The following XIAP variants were observed in gnomAD, a reference collection of about 807,000 sequenced individuals.
The protein encoded by XIAP is X-linked inhibitor of apoptosis, also known as E3 ubiquitin-protein ligase XIAP.
In XIAP, 3 loss-of-function variants were observed where a neutral mutation model predicts 33.1. The observed-to-expected ratio is 0.09, with a 90% CI of 0.04 to 0.23. XIAP has a LOEUF of 0.23. Among genes scored for constraint, XIAP ranks in the 10% least tolerant of loss-of-function variants. The pLI, the probability that XIAP is intolerant of heterozygous loss-of-function variation, is 1.00. For synonymous variants in XIAP, 98 were observed against 121.3 expected, an observed-to-expected ratio of 0.81 and a Z score of 1.26; for missense variants, 264 against 363.0, an observed-to-expected ratio of 0.73 and a Z score of 2.22.
chrX:123,911,715 C>A lies in XIAP; in HGVS notation c.*4534C>A, dbSNP rs1473149814. The A allele has an allele frequency of 1.5e-5, 5 of 326,376 alleles. No individual in the cohort carries two copies. Among genetic ancestry groups the A allele is most frequent in the Non-Finnish European group, 2.9e-5 (5 of 169,518 alleles). The allele number at this position is 326,376 out of a possible 1,213,427, so 26.9% of individuals were successfully genotyped here. On this transcript the variant is annotated 3_prime_UTR_variant, in exon 7 of 7. Transcript: ENST00000371199. Reference sequence around the variant, plus strand: ...TCAAACCCTTAAAAATATTTAAATTCTTAAAAAATTGAAAAGATTATTCTT... The same window carrying A: ...TCAAACCCTTAAAAATATTTAAATTATTAAAAAATTGAAAAGATTATTCTT...
At chrX:123,881,063 C>T (rs2053299827) in intron 1 of XIAP, among the ~76,000 whole-genome samples, 1 of 111,010 alleles carries the variant, frequency 9.0e-6, no homozygotes, top group Non-Finnish European at 1.9e-5. Flanking sequence ...TTCCCAACTA[C>T]TGTTACCCTT....
chrX:123,882,127 T>G (rs1272431413), intron 1 of XIAP, among the ~76,000 whole-genome samples: 1 of 112,021 alleles, frequency 8.9e-6, no homozygotes, highest in Non-Finnish European at 1.9e-5. Flanking sequence ...GTGTTTTGAA[T>G]TATACTGAGC....
At chrX:123,890,627 G>A (rs1455991236) in intron 3 of XIAP, among the ~76,000 whole-genome samples, 4 of 87,382 alleles carry the variant, frequency 4.6e-5, no homozygotes, top group Admixed American at 1.3e-4. Context: ...GCGACAGAGT[G>A]AGACACTGTC....
At chrX:123,877,355 C>T (rs920031790) in intron 1 of XIAP, among the ~76,000 whole-genome samples, 2 of 111,899 alleles carry the variant, frequency 1.8e-5, no homozygotes, top group Non-Finnish European at 1.9e-5. Context: ...GCATGAGCCA[C>T]CACGCCCGGC....
At chrX:123,904,887 T>G (rs184465321) in intron 6 of XIAP, among the ~76,000 whole-genome samples, 135 of 111,720 alleles carry the variant, frequency 1.2e-3, no homozygotes, top group African/African-American at 4.2e-3. Context: ...CGCCTCAGCC[T>G]CCCAAAGTGC....
At chrX:123,859,965 C>G (rs1343362655), upstream of XIAP, 4 of 285,950 alleles carry the variant, frequency 1.4e-5, no homozygotes, top group Non-Finnish European at 2.7e-5. Context: ...AGGAGGCTGA[C>G]CTCCCGGCCG....
chrX:123,862,541 A>G (rs2053090228), intron 1 of XIAP, among the ~76,000 whole-genome samples: 1 of 109,338 alleles, frequency 9.1e-6, no homozygotes, highest in Non-Finnish European at 1.9e-5. Flanking sequence ...CTGGCTAATT[A>G]GGTCCCTTTT....
intron 1 of XIAP, 65 bp from the exon 2 acceptor site, chrX:123,885,566 T>C: frequency 1.0e-6 from 1 of 953,506 alleles, no homozygotes; most frequent in Non-Finnish European, 1.5e-6. Flanking sequence ...TGTTAGCTCC[T>C]ATAACAAAAG....
At chrX:123,891,459 G>A (rs2053407343) in intron 4 of XIAP, 143 bp downstream of exon 4, 6 of 301,976 alleles carry the variant, frequency 2.0e-5, no homozygotes, top group Middle Eastern at 2.0e-3. Context: ...ATCAATATAT[G>A]TGTACATTAC....
chrX:123,876,312 A>G (rs1356661735), intron 1 of XIAP, among the ~76,000 whole-genome samples: 2 of 111,122 alleles, frequency 1.8e-5, no homozygotes, highest in South Asian at 3.8e-4. Flanking sequence ...TAGTGACAGG[A>G]CACTGCCCTG....
chrX:123,896,198 C>G (rs1157594018), intron 5 of XIAP, among the ~76,000 whole-genome samples: 1 of 110,930 alleles, frequency 9.0e-6, no homozygotes, highest in Non-Finnish European at 1.9e-5. Flanking sequence ...TTCCGGGTAG[C>G]TGGGACTACG....
intron 6 of XIAP, among the ~76,000 whole-genome samples, chrX:123,901,254 G>A (rs2053512021): frequency 8.9e-6 from 1 of 111,901 alleles, no homozygotes; most frequent in African/African-American, 3.2e-5. Context: ...GCATGGTGGT[G>A]TGTGCCTGTA....
At position 123,911,653 on chromosome X, in the gene XIAP, G is replaced by A. The variant is rs1414280008; in HGVS notation, c.*4472G>A. The A allele has an allele frequency of 3.1e-6, 1 of 325,620 alleles. No homozygotes were observed. Among genetic ancestry groups the A allele is most frequent in the African/African-American group, 2.7e-5 (1 of 37,490 alleles). 26.8% of individuals were successfully genotyped at this position (325,620 alleles called of 1,213,427 possible). On this transcript the variant is annotated 3_prime_UTR_variant, in exon 7 of 7. Transcript: ENST00000371199. ...TGATTGTGCCACTGTACTCCAGTCT[G>A]GGTGACAGAGTGAGACCCCATCTCT...
rs897936264 is a variant in XIAP, at chrX:123,913,184, A to G, written c.*6003A>G. The G allele has an allele frequency of 3.1e-6, 1 of 326,783 alleles. No individual in the cohort carries two copies. Among genetic ancestry groups the G allele is most frequent in the African/African-American group, 2.7e-5 (1 of 37,460 alleles). The allele number at this position is 326,783 out of a possible 1,213,427, so 26.9% of individuals were successfully genotyped here. A position where few individuals can be genotyped will look rare whatever the true frequency, so the allele number is the denominator to read the frequency against. ...GGACAATTGTATCTTCAAAGTAGAC[A>G]AATGGCGCCGGGCACGGTGGCTCAC... On this transcript the variant is annotated 3_prime_UTR_variant, in exon 7 of 7. Transcript: ENST00000371199.
At position 123,912,127 on chromosome X, in the gene XIAP, G is replaced by C. The variant is rs1458235122; in HGVS notation, c.*4946G>C. ...ATGACACTTTATAACTAATATAATA[G>C]GACAATCATCAATGCATATATAGCC... On this transcript the variant is annotated 3_prime_UTR_variant, in exon 7 of 7. Coordinates refer to ENST00000371199, the MANE Select transcript of XIAP (RefSeq NM_001167.4). 6.2e-6 allele frequency: 2 copies of C among 321,608 alleles called. No homozygotes were observed. Among genetic ancestry groups the C allele is most frequent in the Non-Finnish European group, 1.2e-5 (2 of 168,186 alleles). The allele number at this position is 321,608 out of a possible 1,213,427, so 26.5% of individuals were successfully genotyped here. A position where few individuals can be genotyped will look rare whatever the true frequency, so the allele number is the denominator to read the frequency against.
Position 123,913,315 on chromosome X carries a change from A to G in XIAP, c.*6134A>G, listed in dbSNP as rs771119064. The G allele has an allele frequency of 9.1e-6, 3 of 328,505 alleles. No homozygotes were observed. The highest frequency in any genetic ancestry group is 2.6e-5 in the South Asian group (1 of 38,361). The allele number at this position is 328,505 out of a possible 1,213,427, so 27.1% of individuals were successfully genotyped here. On this transcript the variant is annotated 3_prime_UTR_variant, in exon 7 of 7. Transcript: ENST00000371199. The stretch of plus-strand genomic sequence containing the variant: ...GCTGAAACCCTGTCTGTACAAAAAT[A>G]CAAAAATAGCTGGGCATGGTGGCGC...
chrX:123,904,910 C>T (rs7052675), intron 6 of XIAP, among the ~76,000 whole-genome samples: 21,506 of 111,111 alleles, frequency 0.19, 1,489 homozygotes, highest in South Asian at 0.38. Context: ...GGATTACAGG[C>T]GTGAGCCACC....
intron 6 of XIAP, among the ~76,000 whole-genome samples, chrX:123,902,420 G>A (rs1185540785): frequency 8.9e-6 from 1 of 111,764 alleles, no homozygotes; most frequent in Non-Finnish European, 1.9e-5. Flanking sequence ...CTTCCCAAAA[G>A]CTGATGAGGA....
intron 1 of XIAP, among the ~76,000 whole-genome samples, chrX:123,860,785 A>G (rs1318182776): frequency 8.9e-6 from 1 of 111,960 alleles, no homozygotes; most frequent in Non-Finnish European, 1.9e-5. Flanking sequence ...ACTTTGTTTC[A>G]TTATTTTAAC....
Sources: allele counts gnomAD v4.1 joint callset (sites outside exome capture counted in the v4.1 genomes callset), GRCh38; gene constraint gnomAD v4.1.1; transcripts MANE v1.5; gene names NCBI Gene and HGNC (gene_info 2026-07-23, HGNC 2026-07-21).